The following PIGU variants were observed in gnomAD, a reference collection of about 807,000 sequenced individuals.
PIGU encodes the protein phosphatidylinositol glycan anchor biosynthesis class U, also known as GPI-anchor transamidase component PIGU.
In PIGU, 24 loss-of-function variants were observed where a neutral mutation model predicts 49.9. The ratio of observed to expected loss-of-function variants is 0.48; its 90% CI spans 0.35 to 0.68. The LOEUF (loss-of-function observed/expected upper bound fraction) is 0.68. PIGU is among the 30% of genes least tolerant of loss of function. The pLI is 0.01. For missense variants in PIGU, 490 were observed against 532.6 expected (o/e 0.92, Z 0.79); for synonymous variants, 220 against 205.7 (o/e 1.07, Z -0.59).
At chr20:34,665,024 T>C (rs1191596782) in intron 1 of PIGU, among the ~76,000 whole-genome samples, 10 of 151,710 alleles carry the variant, frequency 6.6e-5, no homozygotes, top group Non-Finnish European at 2.9e-5. Flanking sequence ...ACTCAGAATA[T>C]TTTTTGTTTG....
intron 11 of PIGU, among the ~76,000 whole-genome samples, chr20:34,568,479 G>T (rs1401281635): frequency 6.6e-6 from 1 of 152,160 alleles, no homozygotes; most frequent in Non-Finnish European, 1.5e-5. Context: ...ACAGACCTGG[G>T]ATCTTGCACA....
intron 10 of PIGU, among the ~76,000 whole-genome samples, chr20:34,580,000 T>C (rs1475765901): frequency 6.6e-6 from 1 of 152,182 alleles, no homozygotes; most frequent in East Asian, 1.9e-4. Flanking sequence ...AAAAATCAGA[T>C]GCTCAGAAAG....
intron 7 of PIGU, among the ~76,000 whole-genome samples, chr20:34,611,648 G>GAAAAAAAAAAAAAAAAAAACAAA (rs146531122): frequency 1.5e-5 from 1 of 65,010 alleles, no homozygotes; most frequent in African/African-American, 5.6e-5. Context: ...TCAAGTCTCA[G>GAAAAAAAAAAAAAAAAAAACAAA]AAAAAAAAAA....
chr20:34,647,260 C>T (rs566070913), intron 2 of PIGU, among the ~76,000 whole-genome samples: 94 of 150,848 alleles, frequency 6.2e-4, no homozygotes, highest in African/African-American at 2.0e-3. Flanking sequence ...TGTGAGCCAC[C>T]GTGCCCGGCC....
At chr20:34,648,614 T>C (rs1027135052) in intron 2 of PIGU, among the ~76,000 whole-genome samples, 1 of 152,108 alleles carries the variant, frequency 6.6e-6, no homozygotes, top group African/African-American at 2.4e-5. Context: ...AGTGGCACGA[T>C]CATGACTCAC....
At chr20:34,627,911 G>A (rs1201051664) in intron 6 of PIGU, among the ~76,000 whole-genome samples, 1 of 152,014 alleles carries the variant, frequency 6.6e-6, no homozygotes, top group Non-Finnish European at 1.5e-5. Flanking sequence ...AGACAATTCA[G>A]GCTATGCAAT....
chr20:34,612,476 C>T (rs1430809400), intron 7 of PIGU, among the ~76,000 whole-genome samples: 1 of 151,894 alleles, frequency 6.6e-6, no homozygotes, highest in Non-Finnish European at 1.5e-5. Context: ...GTTTGTTATA[C>T]CTATGTAACA....
chr20:34,660,103 A>G (rs897193601), intron 1 of PIGU, among the ~76,000 whole-genome samples: 30 of 151,310 alleles, frequency 2.0e-4, no homozygotes, highest in Non-Finnish European at 4.0e-4. Context: ...TAATAAATAA[A>G]TAAGTGGAAG....
At chr20:34,606,237 A>C (rs1025996326) in intron 7 of PIGU, among the ~76,000 whole-genome samples, 1 of 146,904 alleles carries the variant, frequency 6.8e-6, no homozygotes, top group African/African-American at 2.5e-5. Flanking sequence ...CCTAGGCGAC[A>C]GAGTGAGACT....
intron 6 of PIGU, among the ~76,000 whole-genome samples, chr20:34,617,805 G>A (rs887481905): frequency 4.6e-5 from 7 of 152,168 alleles, no homozygotes; most frequent in Non-Finnish European, 1.0e-4. Flanking sequence ...AACTTGAATT[G>A]TATCTCCCAG....
intron 1 of PIGU, among the ~76,000 whole-genome samples, chr20:34,664,779 C>G (rs1568665833): frequency 6.6e-6 from 1 of 152,026 alleles, no homozygotes; most frequent in Non-Finnish European, 1.5e-5. Context: ...CGCTTGAGCT[C>G]AGGAATTCGA....
intron 1 of PIGU, among the ~76,000 whole-genome samples, chr20:34,667,369 T>C (rs1174752695): frequency 6.6e-6 from 1 of 152,054 alleles, no homozygotes; most frequent in East Asian, 1.9e-4. Flanking sequence ...TAACATTCTC[T>C]AATAAAAGGA....
intron 6 of PIGU, among the ~76,000 whole-genome samples, chr20:34,633,570 A>AT (rs925090049): frequency 0.018 from 2,673 of 145,348 alleles, 65 homozygotes; most frequent in African/African-American, 0.056. Flanking sequence ...AAAGAGCTAA[A>AT]TTTTTTTTTT....
At chr20:34,674,173 T>C (rs950745053) in intron 1 of PIGU, among the ~76,000 whole-genome samples, 24 of 151,792 alleles carry the variant, frequency 1.6e-4, no homozygotes, top group Admixed American at 1.5e-3. Context: ...CTAGCCAACA[T>C]GGTGAAACTT....
chr20:34,664,345 C>T (rs1987021397), intron 1 of PIGU, among the ~76,000 whole-genome samples: 1 of 152,108 alleles, frequency 6.6e-6, no homozygotes, highest in Non-Finnish European at 1.5e-5. Flanking sequence ...TAGAAACGGG[C>T]TCTTGCTATA....
intron 7 of PIGU, among the ~76,000 whole-genome samples, chr20:34,608,931 C>G (rs1163293578): frequency 1.3e-5 from 2 of 152,104 alleles, no homozygotes; most frequent in Admixed American, 1.3e-4. Context: ...CCTATGGATC[C>G]CTGTGAAACT....
intron 1 of PIGU, among the ~76,000 whole-genome samples, chr20:34,673,923 T>C (rs973828491): frequency 6.6e-6 from 1 of 151,778 alleles, no homozygotes. Context: ...CATGGTGGCA[T>C]GTGCCTGTAG....
intron 7 of PIGU, among the ~76,000 whole-genome samples, chr20:34,590,080 T>C (rs1459457178): frequency 1.3e-5 from 2 of 150,060 alleles, no homozygotes; most frequent in African/African-American, 4.9e-5. Flanking sequence ...TTTCCTCTCT[T>C]AAAAATGTTT....
intron 7 of PIGU, among the ~76,000 whole-genome samples, chr20:34,599,971 A>C (rs1048317862): frequency 6.6e-6 from 1 of 152,236 alleles, no homozygotes; most frequent in Non-Finnish European, 1.5e-5. Context: ...GCAAATTTCA[A>C]GTGCCTGATG....
Sources: allele counts gnomAD v4.1 joint callset (sites outside exome capture counted in the v4.1 genomes callset), GRCh38; gene constraint gnomAD v4.1.1; transcripts MANE v1.5; gene names NCBI Gene and HGNC (gene_info 2026-07-23, HGNC 2026-07-21).